Variants in CDC73 observed in about 807,000 individuals in gnomAD.
The protein encoded by CDC73 is parafibromin.
In CDC73, 21 loss-of-function variants were observed where a neutral mutation model predicts 83.7. The ratio of observed to expected loss-of-function variants is 0.25; its 90% CI spans 0.18 to 0.36. The LOEUF (loss-of-function observed/expected upper bound fraction) is 0.36, where lower values mean the gene tolerates loss of function less well. Ranked by LOEUF, CDC73 falls within the 10% of genes least tolerant of loss-of-function variation. The pLI is 1.00. For synonymous variants in CDC73, 224 were observed against 212.9 expected, an observed-to-expected ratio of 1.05 and a Z score of -0.45; for missense variants, 342 against 653.3, an observed-to-expected ratio of 0.52 and a Z score of 5.19.
chr1:193,122,371 G>C, intron 1 of CDC73, 40 bp downstream of exon 1: 1 of 1,613,516 alleles, frequency 6.2e-7, no homozygotes, highest in Non-Finnish European at 8.5e-7. Context: ...TGGCAGGGCA[G>C]AGTTGGGCGC....
chr1:193,141,435 A>G (rs1675903935), intron 6 of CDC73, among the ~76,000 whole-genome samples: 1 of 152,226 alleles, frequency 6.6e-6, no homozygotes, highest in South Asian at 2.1e-4. Context: ...AAACCTTGAA[A>G]TAAATTTCAA....
chr1:193,227,229 T>C (rs1464577960), intron 13 of CDC73, among the ~76,000 whole-genome samples: 3 of 152,180 alleles, frequency 2.0e-5, no homozygotes, highest in Non-Finnish European at 4.4e-5. Flanking sequence ...TCTATTTTTT[T>C]ATTTTTGTTT....
chr1:193,135,615 TTTATTTATATTG>T (rs1445142230), intron 5 of CDC73, 26 bp downstream of exon 5: 9 of 1,506,552 alleles, frequency 6.0e-6, no homozygotes, highest in Non-Finnish European at 8.3e-6. Context: ...TTTAAACAAT[TTTATTTATATTG>T]TTATTGAAAT....
At chr1:193,135,747 A>G (rs905015918) in intron 5 of CDC73, among the ~76,000 whole-genome samples, 158 bp downstream of exon 5, 2 of 152,146 alleles carry the variant, frequency 1.3e-5, no homozygotes, top group South Asian at 2.1e-4. Flanking sequence ...AGCTCAAGCT[A>G]TAGTTTTAGC....
intron 13 of CDC73, among the ~76,000 whole-genome samples, chr1:193,230,924 A>G (rs1399092048): frequency 6.6e-6 from 1 of 152,232 alleles, no homozygotes; most frequent in African/African-American, 2.4e-5. Flanking sequence ...AGAGATGACT[A>G]ATTCTAAGAA....
chr1:193,193,370 A>G (rs1016735681), intron 10 of CDC73, among the ~76,000 whole-genome samples: 2 of 152,204 alleles, frequency 1.3e-5, no homozygotes, highest in Non-Finnish European at 2.9e-5. Context: ...AATAAGTGGT[A>G]TTTAAATTTT....
intron 13 of CDC73, among the ~76,000 whole-genome samples, chr1:193,229,904 G>T (rs902614305): frequency 1.3e-5 from 2 of 152,148 alleles, no homozygotes; most frequent in Non-Finnish European, 2.9e-5. Flanking sequence ...GAAGGGAATG[G>T]CATTTGACTG....
At chr1:193,134,630 C>A (rs1234203759) in intron 3 of CDC73, among the ~76,000 whole-genome samples, 1 of 152,086 alleles carries the variant, frequency 6.6e-6, no homozygotes, top group Non-Finnish European at 1.5e-5. Flanking sequence ...AGGATCGCCA[C>A]TGCACTCCAG....
chr1:193,220,842 C>T (rs1351935090), intron 13 of CDC73, among the ~76,000 whole-genome samples: 1 of 152,012 alleles, frequency 6.6e-6, no homozygotes, highest in African/African-American at 2.4e-5. Flanking sequence ...ACTTTTGGTC[C>T]TTGAAATAGA....
chr1:193,138,774 A>T (rs1296791945), intron 6 of CDC73, among the ~76,000 whole-genome samples: 13 of 128,956 alleles, frequency 1.0e-4, no homozygotes, highest in East Asian at 2.2e-4. Flanking sequence ...CTGAACTTTA[A>T]TTTTTTTTTT....
intron 1 of CDC73, among the ~76,000 whole-genome samples, chr1:193,124,441 A>G (rs561273992): frequency 1.3e-4 from 20 of 152,314 alleles, no homozygotes; most frequent in Admixed American, 9.8e-4. Flanking sequence ...TTTAGGGCTG[A>G]TTATAGTGGA....
At chr1:193,250,614 CATT>C (rs1678029660) in intron 16 of CDC73, 59 bp from the exon 17 acceptor site, 4 of 1,155,624 alleles carry the variant, frequency 3.5e-6, no homozygotes, top group Non-Finnish European at 5.2e-6. Context: ...TTTTTACATG[CATT>C]ATTCTAAAAA....
At chr1:193,241,406 C>G (rs1036244064) in intron 15 of CDC73, among the ~76,000 whole-genome samples, 1 of 152,206 alleles carries the variant, frequency 6.6e-6, no homozygotes, top group African/African-American at 2.4e-5. Context: ...CAGGCTGAGC[C>G]TGCCTGTTTT....
intron 10 of CDC73, chr1:193,186,731 AT>A (rs1676816855): frequency 6.6e-6 from 1 of 152,048 alleles, no homozygotes; most frequent in Non-Finnish European, 1.5e-5. Flanking sequence ...AAGCTTAGAG[AT>A]TTTGCTTTTA....
At chr1:193,240,614 A>G (rs1677840654) in intron 15 of CDC73, among the ~76,000 whole-genome samples, 1 of 152,170 alleles carries the variant, frequency 6.6e-6, no homozygotes, top group African/African-American at 2.4e-5. Context: ...AGTGATGTTG[A>G]ACATTTTTTC....
intron 10 of CDC73, chr1:193,181,370 G>A: frequency 6.2e-7 from 1 of 1,614,006 alleles, no homozygotes; most frequent in Non-Finnish European, 8.5e-7. Flanking sequence ...CGAAATCCTC[G>A]GAAAGTGTAT....
At chr1:193,239,673 T>C (rs1677823900) in intron 15 of CDC73, among the ~76,000 whole-genome samples, 1 of 152,184 alleles carries the variant, frequency 6.6e-6, no homozygotes, top group African/African-American at 2.4e-5. Context: ...GTTACATGGA[T>C]AGAATGTGTA....
chr1:193,206,431 T>C (rs1442013254), intron 11 of CDC73, among the ~76,000 whole-genome samples: 1 of 152,230 alleles, frequency 6.6e-6, no homozygotes, highest in African/African-American at 2.4e-5. Flanking sequence ...TTGCTCTCAT[T>C]CAGCAATAAG....
At chr1:193,187,450 C>T (rs1200318112) in intron 10 of CDC73, among the ~76,000 whole-genome samples, 3 of 152,168 alleles carry the variant, frequency 2.0e-5, no homozygotes, top group African/African-American at 7.2e-5. Context: ...TAACACTACA[C>T]ACTCACTGAG....
Sources: gnomAD v4.1 joint callset for allele counts (sites outside exome capture counted in the v4.1 genomes callset) on GRCh38, gnomAD v4.1.1 for gene constraint, MANE v1.5 for transcripts, NCBI Gene and HGNC (gene_info 2026-07-23, HGNC 2026-07-21) for gene names.